Variants in FAM135B observed in about 807,000 individuals in gnomAD.
FAM135B encodes the protein family with sequence similarity 135 member B, also known as protein FAM135B.
A neutral mutation model predicts 127.7 loss-of-function variants in FAM135B; 43 were observed. That is an observed-to-expected ratio of 0.34 (90% CI 0.26 to 0.43). The LOEUF (loss-of-function observed/expected upper bound fraction) is 0.43, where lower values mean the gene tolerates loss of function less well. Ranked by LOEUF, FAM135B falls within the 20% of genes least tolerant of loss-of-function variation. The pLI is 1.00. For missense variants in FAM135B, 1,558 were observed against 1,725.6 expected, an observed-to-expected ratio of 0.90 and a Z score of 1.72; for synonymous variants, 670 against 665.1, an observed-to-expected ratio of 1.01 and a Z score of -0.11.
intron 11 of FAM135B, among the ~76,000 whole-genome samples, chr8:138,170,350 G>A (rs1308195953): frequency 6.6e-6 from 1 of 150,792 alleles, no homozygotes; most frequent in African/African-American, 2.4e-5. Context: ...AGGCTCCCAA[G>A]TAGCTGGGAT....
intron 1 of FAM135B, among the ~76,000 whole-genome samples, chr8:138,427,139 T>C (rs998555711): frequency 2.0e-5 from 3 of 151,762 alleles, no homozygotes; most frequent in African/African-American, 4.8e-5. Context: ...GTAAATACCT[T>C]TGGTAGTGGG....
Position 138,142,972 on chromosome 8 carries a change from C to G in FAM135B, c.3638+40G>C, listed in dbSNP as rs73716463. 1.1e-3 allele frequency: 1,126 copies of G among 1,057,378 alleles called. 11 individuals are homozygous for G. In the African/African-American group the frequency reaches 0.015, roughly 14 times the overall value. 65.5% of individuals were successfully genotyped at this position (1,057,378 alleles called of 1,614,324 possible). On this transcript the variant is annotated intron_variant, in intron 16 of 19. Transcript: ENST00000395297. ...ACAGCAAACACTCAAAAATGTCCCC[C>G]CTCTTCCCCCAGCATTAACTACCTG...
rs1387645723 is a variant in FAM135B, at chr8:138,151,290, G to A, written c.3185C>T (p.Thr1062Ile). ...PARAGFSSKQ[T>I]LFPITHQPLG... ...AGGCTGATGGGTGATGGGAAACAGG[G>A]TCTGTTTGGAAGAGAATCCAGCCCT... The change falls in exon 13 of 20, where the codon ACC (threonine) becomes ATC (isoleucine). Residue 1062 changes from threonine to isoleucine, a missense_variant. Physicochemically the swap from Thr to Ile is moderately conservative, Grantham distance 89 (BLOSUM62 -1). Transcript: ENST00000395297. 2 of 1,613,904 alleles carry A rather than the reference G, an allele frequency of 1.2e-6. No homozygotes were observed. Among genetic ancestry groups the A allele is most frequent in the Non-Finnish European group, 1.7e-6 (2 of 1,179,946 alleles).
At chr8:138,264,983 G>T (rs1245746037) in intron 4 of FAM135B, among the ~76,000 whole-genome samples, 1 of 152,202 alleles carries the variant, frequency 6.6e-6, no homozygotes, top group Non-Finnish European at 1.5e-5. Flanking sequence ...GAGGCTGGGG[G>T]AGGCAGATCA....
intron 1 of FAM135B, among the ~76,000 whole-genome samples, chr8:138,479,103 G>A (rs1814653412): frequency 6.6e-6 from 1 of 152,174 alleles, no homozygotes; most frequent in Admixed American, 6.5e-5. Context: ...AACTCAAAAA[G>A]CACTGAAAAG....
chr8:138,384,632 G>A (rs562145924), intron 1 of FAM135B, among the ~76,000 whole-genome samples: 2 of 152,246 alleles, frequency 1.3e-5, no homozygotes, highest in South Asian at 4.2e-4. Context: ...CAGTGTACGT[G>A]TGTGAGTATG....
At chr8:138,225,883 A>G (rs1819388752) in intron 7 of FAM135B, among the ~76,000 whole-genome samples, 1 of 152,134 alleles carries the variant, frequency 6.6e-6, no homozygotes, top group Non-Finnish European at 1.5e-5. Context: ...TGGTTCCTGT[A>G]AAGGAGATCT....
chr8:138,480,259 A>G (rs1814721082), intron 1 of FAM135B, among the ~76,000 whole-genome samples: 1 of 152,184 alleles, frequency 6.6e-6, no homozygotes, highest in South Asian at 2.1e-4. Context: ...AGCTCAGGAG[A>G]GCCTAACTTG....
intron 12 of FAM135B, among the ~76,000 whole-genome samples, chr8:138,167,683 G>A (rs920202858): frequency 1.1e-4 from 16 of 152,172 alleles, no homozygotes; most frequent in Non-Finnish European, 1.8e-4. Context: ...GAGTCAGGGA[G>A]GAAGTCTTTC....
At chr8:138,470,146 G>A (rs1268226452) in intron 1 of FAM135B, among the ~76,000 whole-genome samples, 1 of 152,126 alleles carries the variant, frequency 6.6e-6, no homozygotes, top group Middle Eastern at 3.2e-3. Flanking sequence ...AGACATGAGT[G>A]GAAAGAAGCA....
At chr8:138,229,995 C>A (rs1465955428) in intron 7 of FAM135B, among the ~76,000 whole-genome samples, 2 of 152,142 alleles carry the variant, frequency 1.3e-5, no homozygotes, top group African/African-American at 4.8e-5. Flanking sequence ...GACACACAGC[C>A]AAACCATAGA....
At chr8:138,423,862 C>G (rs1397199833) in intron 1 of FAM135B, among the ~76,000 whole-genome samples, 1 of 152,060 alleles carries the variant, frequency 6.6e-6, no homozygotes. Context: ...CCCCAGGGGG[C>G]CATTTTAGAG....
chr8:138,311,664 G>T (rs1038195867), intron 2 of FAM135B, among the ~76,000 whole-genome samples: 4 of 152,160 alleles, frequency 2.6e-5, no homozygotes, highest in African/African-American at 9.7e-5. Flanking sequence ...AAACCAAAGT[G>T]AAATATAAGG....
At chr8:138,300,626 T>G (rs1218399150) in intron 3 of FAM135B, among the ~76,000 whole-genome samples, 3 of 152,220 alleles carry the variant, frequency 2.0e-5, no homozygotes, top group Admixed American at 2.0e-4. Flanking sequence ...CCATCATTAG[T>G]ATCAACCTAT....
intron 2 of FAM135B, among the ~76,000 whole-genome samples, chr8:138,346,838 A>G (rs747956949): frequency 6.6e-6 from 1 of 152,222 alleles, no homozygotes; most frequent in Non-Finnish European, 1.5e-5. Context: ...AATGTTGAAG[A>G]AAATAAAAAA....
chr8:138,177,638 G>A (rs1814601166), intron 10 of FAM135B, among the ~76,000 whole-genome samples: 1 of 152,120 alleles, frequency 6.6e-6, no homozygotes, highest in Non-Finnish European at 1.5e-5. Flanking sequence ...ATGAACACAC[G>A]TGAATGCAGT....
At chr8:138,162,787 G>A (rs1490515944) in intron 12 of FAM135B, among the ~76,000 whole-genome samples, 3 of 152,194 alleles carry the variant, frequency 2.0e-5, no homozygotes, top group East Asian at 3.9e-4. Flanking sequence ...CCACGTGGAT[G>A]GAACAAGAGT....
At chr8:138,417,563 C>T (rs1834238081) in intron 1 of FAM135B, among the ~76,000 whole-genome samples, 1 of 152,200 alleles carries the variant, frequency 6.6e-6, no homozygotes, top group Non-Finnish European at 1.5e-5. Flanking sequence ...GCCAGCATTG[C>T]CCATGACAGT....
intron 7 of FAM135B, among the ~76,000 whole-genome samples, chr8:138,199,671 GGGGAGGCCTCA>G (rs1221611820): frequency 3.3e-5 from 5 of 152,202 alleles, no homozygotes; most frequent in African/African-American, 1.2e-4. Flanking sequence ...CTCCATAGCT[GGGGAGGCCTCA>G]GGAAACTTAC....
Sources: gnomAD v4.1 joint callset for allele counts (sites outside exome capture counted in the v4.1 genomes callset) on GRCh38, gnomAD v4.1.1 for gene constraint, MANE v1.5 for transcripts, NCBI Gene and HGNC (gene_info 2026-07-23, HGNC 2026-07-21) for gene names.